TEX11: variants seen among roughly 807,000 people sequenced by gnomAD.
TEX11 encodes testis-expressed protein 11.
A neutral mutation model predicts 84.4 loss-of-function variants in TEX11; 7 were observed. The observed-to-expected ratio is 0.08, with a 90% CI of 0.05 to 0.16. The LOEUF is 0.16. Ranked by LOEUF, TEX11 falls within the 10% of genes least tolerant of loss-of-function variation. The pLI, the probability that TEX11 is intolerant of heterozygous loss-of-function variation, is 1.00. For synonymous variants in TEX11, 264 were observed against 222.8 expected (o/e 1.18, Z -1.64); for missense variants, 551 against 660.5 (o/e 0.83, Z 1.82).
chrX:70,533,499 G>C (rs1252729813), intron 28 of TEX11, among the ~76,000 whole-genome samples: 2 of 111,493 alleles, frequency 1.8e-5, no homozygotes, highest in Non-Finnish European at 3.8e-5. Flanking sequence ...GGTGGTAAGA[G>C]GGAAAAGAAC....
intron 9 of TEX11, among the ~76,000 whole-genome samples, chrX:70,790,457 C>T (rs773368755): frequency 1.8e-5 from 2 of 111,539 alleles, no homozygotes; most frequent in Admixed American, 1.9e-4. Context: ...CCTCTGGGAT[C>T]CTAGCTACAA....
rs778257667 is a variant in TEX11 at position 70,651,418 on chromosome X, A to T, written c.1483+32T>A. The T allele has an allele frequency of 5.1e-6, 5 of 986,454 alleles. No homozygotes were observed. The Admixed American group carries it at 7.3e-5, about 14-fold the overall frequency. The allele number at this position is 986,454 out of a possible 1,213,427, so 81.3% of individuals were successfully genotyped here. ...AGGATTATTTATTCTTTGTGTTAAT[A>T]GTCAAATATAAGTGACAAATAAAAT... On this transcript the variant is annotated intron_variant, in intron 17 of 29. Transcript: ENST00000374333.
chrX:70,554,402 G>T (rs971903595), intron 26 of TEX11, among the ~76,000 whole-genome samples: 18 of 111,767 alleles, frequency 1.6e-4, no homozygotes, highest in Admixed American at 9.6e-5. Flanking sequence ...GCTAGGGTTT[G>T]TAAGTACAAA....
intron 9 of TEX11, among the ~76,000 whole-genome samples, chrX:70,805,761 C>T (rs745582965): frequency 4.5e-5 from 5 of 111,771 alleles, no homozygotes; most frequent in African/African-American, 1.6e-4. Context: ...CACAAAAATA[C>T]ATTTTTCACA....
At chrX:70,892,423 G>A (rs1034658571) in intron 2 of TEX11, among the ~76,000 whole-genome samples, 1 of 111,929 alleles carries the variant, frequency 8.9e-6, no homozygotes, top group African/African-American at 3.2e-5. Flanking sequence ...ATGTAAATGG[G>A]CTAAATGCCC....
chrX:70,568,222 C>T (rs1053968173), intron 25 of TEX11, among the ~76,000 whole-genome samples: 11 of 111,127 alleles, frequency 9.9e-5, no homozygotes, highest in Non-Finnish European at 1.9e-4. Flanking sequence ...AGAATAGGAT[C>T]GCAACCCCTG....
intron 7 of TEX11, among the ~76,000 whole-genome samples, chrX:70,842,182 A>G (rs2091449962): frequency 9.0e-6 from 1 of 111,502 alleles, no homozygotes. Flanking sequence ...CAACAAAAAA[A>G]GAGAATTTTA....
At chrX:70,747,999 T>C (rs1346834451) in intron 9 of TEX11, among the ~76,000 whole-genome samples, 6 of 106,845 alleles carry the variant, frequency 5.6e-5, no homozygotes, top group Non-Finnish European at 1.2e-4. Flanking sequence ...AAAGAAACAA[T>C]AAACTAACCT....
At chrX:70,655,196 G>C (rs1042587987) in intron 16 of TEX11, among the ~76,000 whole-genome samples, 1 of 111,356 alleles carries the variant, frequency 9.0e-6, no homozygotes, top group African/African-American at 3.3e-5. Context: ...CTCAGTAAGT[G>C]ATAGAGTAAG....
intron 10 of TEX11, among the ~76,000 whole-genome samples, chrX:70,743,571 T>C (rs971931477): frequency 2.7e-5 from 3 of 111,315 alleles, no homozygotes; most frequent in Non-Finnish European, 3.8e-5. Flanking sequence ...CTTCAAAATA[T>C]GCAATAAGAA....
chrX:70,709,057 T>G (rs1483751653), intron 13 of TEX11, among the ~76,000 whole-genome samples: 1 of 111,731 alleles, frequency 9.0e-6, no homozygotes, highest in Non-Finnish European at 1.9e-5. Context: ...GAGTGTGTAT[T>G]CTGTACCACC....
chrX:70,727,988 T>A (rs1247493454), intron 11 of TEX11, among the ~76,000 whole-genome samples: 2 of 112,829 alleles, frequency 1.8e-5, no homozygotes, highest in African/African-American at 6.4e-5. Flanking sequence ...TTGCCTACAT[T>A]TGAACTTCAC....
At chrX:70,718,350 G>A (rs976628294) in intron 13 of TEX11, among the ~76,000 whole-genome samples, 13 of 112,284 alleles carry the variant, frequency 1.2e-4, no homozygotes, top group Non-Finnish European at 1.9e-4. Flanking sequence ...TTGTGAATAC[G>A]TAGTTTAAGT....
At chrX:70,838,249 T>C in intron 7 of TEX11, among the ~76,000 whole-genome samples, 1 of 111,021 alleles carries the variant, frequency 9.0e-6, no homozygotes, top group Admixed American at 9.7e-5. Flanking sequence ...TGAAACACCA[T>C]CTGTACTAAA....
intron 7 of TEX11, among the ~76,000 whole-genome samples, chrX:70,845,007 T>G (rs2091471095): frequency 9.0e-6 from 1 of 111,593 alleles, no homozygotes; most frequent in Non-Finnish European, 1.9e-5. Context: ...AATTTCAGTT[T>G]TTACCTAAAA....
intron 11 of TEX11, among the ~76,000 whole-genome samples, chrX:70,733,547 T>C (rs929009339): frequency 5.4e-5 from 6 of 110,950 alleles, no homozygotes; most frequent in Admixed American, 4.8e-4. Flanking sequence ...AAAAAACACA[T>C]GAAAAAATGC....
chrX:70,713,706 C>T (rs1438242166), intron 13 of TEX11, among the ~76,000 whole-genome samples: 10 of 110,684 alleles, frequency 9.0e-5, no homozygotes, highest in African/African-American at 2.0e-4. Context: ...GTCTTGCTAG[C>T]GGTCTATCAA....
At chrX:70,661,146 C>G (rs889880278) in intron 16 of TEX11, among the ~76,000 whole-genome samples, 1 of 111,700 alleles carries the variant, frequency 9.0e-6, no homozygotes, top group Admixed American at 9.4e-5. Flanking sequence ...GGGTGACAGA[C>G]GGCACTTGGA....
intron 20 of TEX11, among the ~76,000 whole-genome samples, chrX:70,620,636 A>G (rs566642174): frequency 1.8e-5 from 2 of 112,534 alleles, no homozygotes; most frequent in Middle Eastern, 9.2e-3. Context: ...GGAGCTAAAA[A>G]GTTACCTGCA....
Sources: gnomAD v4.1 joint callset for allele counts (sites outside exome capture counted in the v4.1 genomes callset) on GRCh38, gnomAD v4.1.1 for gene constraint, MANE v1.5 for transcripts, NCBI Gene and HGNC (gene_info 2026-07-23, HGNC 2026-07-21) for gene names.